TEX15: variants seen among roughly 807,000 people sequenced by gnomAD.
TEX15 encodes the protein testis expressed 15, meiosis and synapsis associated, also known as testis-expressed protein 15.
Under a neutral mutation model 237.3 loss-of-function variants are expected in TEX15, and 171 were observed. The ratio of observed to expected loss-of-function variants is 0.72; its 90% CI spans 0.64 to 0.82. The LOEUF (loss-of-function observed/expected upper bound fraction) is 0.82. Ranked by LOEUF, TEX15 falls within the 40% of genes least tolerant of loss-of-function variation. The pLI, the probability that TEX15 is intolerant of heterozygous loss-of-function variation, is 0.00. For missense variants in TEX15, 3,750 were observed against 3,646.5 expected (o/e 1.03, Z -0.73); for synonymous variants, 1,338 against 1,269.8 (o/e 1.05, Z -1.14).
Position 30,846,231 on chromosome 8 carries a change from G to A in TEX15, c.3936C>T (p.Asn1312=). ...GTCGTCTTAAATCTTTATGTGGTAT[G>A]TTCTGATCCCTGGAAGATATATGTA... ...RKLHISSRDQ[N]IPHKDLRRHK... Residue 1312 remains asparagine (N), a synonymous_variant, in exon 8 of 11, where the codon AAC becomes AAT. Coordinates refer to ENST00000643185, the MANE Select transcript of TEX15 (RefSeq NM_001350162.2). The A allele has an allele frequency of 6.2e-7, 1 of 1,613,528 alleles. No homozygotes were observed.
Position 30,874,960 on chromosome 8 carries a change from C to A in TEX15, c.279G>T (p.Leu93=). Residue 93 remains leucine (L), a synonymous_variant, in exon 4 of 11, where the codon CTG becomes CTT. Transcript: ENST00000643185. ...ACCTCTTAGCAGTAAAATTTTTTTCCAGTTCCTCATTGTGAACCAGTTTTG... is the reference window on the plus strand; with the variant it reads ...ACCTCTTAGCAGTAAAATTTTTTTCAAGTTCCTCATTGTGAACCAGTTTTG... ...GDTKLVHNEE[L]EKNFTAKRSE... 7.4e-7 allele frequency: 1 copy of A among 1,343,600 alleles called. No individual in the cohort carries two copies. 83.2% of individuals were successfully genotyped at this position (1,343,600 alleles called of 1,614,324 possible).
chr8:30,874,083 T>A (rs1014433417), intron 4 of TEX15, among the ~76,000 whole-genome samples: 5 of 152,184 alleles, frequency 3.3e-5, no homozygotes, highest in Non-Finnish European at 5.9e-5. Context: ...CAGTCCTTTT[T>A]ACCTACAAAA....
At chr8:30,856,079 G>A (rs1807905100) in intron 7 of TEX15, among the ~76,000 whole-genome samples, 1 of 152,032 alleles carries the variant, frequency 6.6e-6, no homozygotes, top group African/African-American at 2.4e-5. Context: ...CCACGTAGCT[G>A]GGATTATAGG....
chr8:30,899,106 G>C (rs1251778340), intron 1 of TEX15, among the ~76,000 whole-genome samples: 1 of 151,864 alleles, frequency 6.6e-6, no homozygotes, highest in Non-Finnish European at 1.5e-5. Flanking sequence ...CAGAGTCCCA[G>C]TGTCAGCTCA....
chr8:30,909,110 T>C (rs1305797519), intron 1 of TEX15, among the ~76,000 whole-genome samples: 1 of 152,154 alleles, frequency 6.6e-6, no homozygotes, highest in Non-Finnish European at 1.5e-5. Flanking sequence ...AGTGATTGTG[T>C]GTAGTTTTAG....
In TEX15 at chr8:30,858,812, T is replaced by C. The variant is rs116662195; in HGVS notation, c.706A>G (p.Ser236Gly). 908 of 1,533,938 alleles carry C rather than the reference T, an allele frequency of 5.9e-4. 7 individuals carry two copies. The African/African-American group carries it at 0.01, about 17-fold the overall frequency. The stretch of plus-strand genomic sequence containing the variant: ...TTATCTACAGGCTTTGAAAGGACAC[T>C]GTATTCATAGAAGTACACCTGAAAG... Reference protein sequence around the residue: ...YSSAVYFYEYSVLSKPVDKPR... With the variant: ...YSSAVYFYEYGVLSKPVDKPR... Residue 236 changes from serine (S) to glycine (G), a missense_variant, in exon 7 of 11, where the codon AGT (serine) becomes GGT (glycine). Ser to Gly is a moderately conservative substitution (Grantham distance 56, BLOSUM62 0). Coordinates refer to ENST00000643185, the MANE Select transcript of TEX15 (RefSeq NM_001350162.2).
intron 3 of TEX15, among the ~76,000 whole-genome samples, chr8:30,881,119 A>G (rs562293571): frequency 2.0e-5 from 3 of 152,170 alleles, no homozygotes; most frequent in African/African-American, 7.2e-5. Flanking sequence ...GTTGTGTGCA[A>G]TAATTCATTT....
chr8:30,901,881 C>T (rs1054728275), intron 1 of TEX15, among the ~76,000 whole-genome samples: 3 of 152,202 alleles, frequency 2.0e-5, no homozygotes, highest in African/African-American at 7.2e-5. Flanking sequence ...TGGACATGTC[C>T]TATACTTCCT....
intron 10 of TEX15, among the ~76,000 whole-genome samples, chr8:30,835,339 C>T (rs1048341172): frequency 2.6e-5 from 4 of 151,974 alleles, no homozygotes; most frequent in African/African-American, 9.7e-5. Context: ...CCACCTCCAC[C>T]TCCCAAAGTG....
chr8:30,843,023 C>A lies in TEX15; in HGVS notation c.7144G>T (p.Ala2382Ser). 1.2e-6 allele frequency: 2 copies of A among 1,613,498 alleles called. No individual in the cohort carries two copies. The highest frequency in any genetic ancestry group is 1.7e-6 in the Non-Finnish European group (2 of 1,179,706). ...AGATCCTGTAATTTTTTAAGGTCTGCAAATTCAGCCTGATCCAATATCTCA... is the reference window on the plus strand; with the variant it reads ...AGATCCTGTAATTTTTTAAGGTCTGAAAATTCAGCCTGATCCAATATCTCA... ...ISEILDQAEF[A>S]DLKKLQDLTL... The change falls in exon 8 of 11, where the codon GCA becomes TCA. Residue 2382 changes from alanine to serine, a missense_variant. Transcript: ENST00000643185.
At chr8:30,864,704 A>C (rs1055807308) in intron 5 of TEX15, among the ~76,000 whole-genome samples, 28 of 152,060 alleles carry the variant, frequency 1.8e-4, no homozygotes, top group Admixed American at 1.6e-3. Context: ...GTTCAAAACC[A>C]AAAGGATGCT....
intron 10 of TEX15, 82 bp downstream of exon 10, chr8:30,836,721 C>T (rs1426141401): frequency 6.4e-6 from 8 of 1,252,570 alleles, no homozygotes; most frequent in Admixed American, 4.5e-5. Context: ...TAACTCATCA[C>T]TTACTGTGAA....
chr8:30,873,714 A>G (rs1808343942), intron 4 of TEX15, among the ~76,000 whole-genome samples: 1 of 152,174 alleles, frequency 6.6e-6, no homozygotes, highest in African/African-American at 2.4e-5. Context: ...TCAGTTTTGC[A>G]CTTTGAACAC....
chr8:30,874,240 T>G (rs1281835934), intron 4 of TEX15, among the ~76,000 whole-genome samples: 3 of 152,054 alleles, frequency 2.0e-5, no homozygotes, highest in Non-Finnish European at 4.4e-5. Flanking sequence ...CCAAAACGAG[T>G]TCCACATGTG....
intron 3 of TEX15, among the ~76,000 whole-genome samples, chr8:30,878,028 A>G (rs1258150176): frequency 1.3e-5 from 2 of 150,042 alleles, no homozygotes; most frequent in African/African-American, 4.9e-5. Context: ...TCTTCTCCGT[A>G]TGCATACTTT....
At chr8:30,896,721 T>C (rs1312932059) in intron 2 of TEX15, among the ~76,000 whole-genome samples, 1 of 152,178 alleles carries the variant, frequency 6.6e-6, no homozygotes, top group Non-Finnish European at 1.5e-5. Flanking sequence ...CCTCATACAT[T>C]AGAATGCACT....
rs1345311135 is a variant in TEX15 at position 30,842,443 on chromosome 8, A to G, written c.7724T>C (p.Ile2575Thr). The G allele has an allele frequency of 2.5e-6, 4 of 1,613,582 alleles. No homozygotes were observed. In the South Asian group the frequency reaches 4.4e-5, roughly 18 times the overall value. ...CTCTGTCACAGTGCTTCCATAATTTATGGATGCTATATATGGCACAAAGTC... is the reference window on the plus strand; with the variant it reads ...CTCTGTCACAGTGCTTCCATAATTTGTGGATGCTATATATGGCACAAAGTC... ...YIDFVPYIAS[I>T]NYGSTVTELE... Residue 2575 changes from isoleucine (I) to threonine (T), a missense_variant, in exon 8 of 11, where the codon ATA becomes ACA. Ile to Thr is a moderately conservative substitution (Grantham distance 89). Transcript: ENST00000643185.
chr8:30,887,882 TATATTTC>T (rs1808691740), intron 2 of TEX15: 1 of 123,612 alleles, frequency 8.1e-6, no homozygotes, highest in Non-Finnish European at 1.7e-5. Context: ...ATTTCACATA[TATATTTC>T]ATATATATAT....
Position 30,844,488 on chromosome 8 carries a change from G to A in TEX15, c.5679C>T (p.Asn1893=). 6.2e-7 allele frequency: 1 copy of A among 1,613,150 alleles called. No homozygotes were observed. The change falls in exon 8 of 11, where the codon AAC becomes AAT. Residue 1893 remains asparagine, a synonymous_variant. Coordinates refer to ENST00000643185, the MANE Select transcript of TEX15 (RefSeq NM_001350162.2). The part of the protein sequence containing the change: ...SCLNEKIITT[N]LIDSHLSTKN... ...TAGTGCTCAGATGGGAATCAATCAA[G>A]TTAGTTGTAATAATTTTCTCATTTA...
Sources: gnomAD v4.1 joint callset for allele counts (sites outside exome capture counted in the v4.1 genomes callset) on GRCh38, gnomAD v4.1.1 for gene constraint, MANE v1.5 for transcripts, NCBI Gene and HGNC (gene_info 2026-07-23, HGNC 2026-07-21) for gene names.